Variants in RIMS2 observed in about 807,000 individuals in gnomAD.
The protein encoded by RIMS2 is regulating synaptic membrane exocytosis 2, also known as regulating synaptic membrane exocytosis protein 2.
RIMS2 carries 59 observed loss-of-function variants against 174.4 expected under a neutral mutation model. That is an observed-to-expected ratio of 0.34 (90% CI 0.27 to 0.42). RIMS2 has a LOEUF of 0.42. Among genes scored for constraint, RIMS2 ranks in the 10% least tolerant of loss-of-function variants. RIMS2 has a pLI of 1.00. For synonymous variants in RIMS2, 606 were observed against 572.5 expected (o/e 1.06, Z -0.84); for missense variants, 1,620 against 1,666.3 (o/e 0.97, Z 0.48).
intron 19 of RIMS2, among the ~76,000 whole-genome samples, chr8:104,066,626 G>T (rs980748895): frequency 1.3e-5 from 2 of 152,012 alleles, no homozygotes; most frequent in African/African-American, 4.8e-5. Context: ...AGACTAATAG[G>T]TATTTGTACT....
intron 3 of RIMS2, among the ~76,000 whole-genome samples, chr8:103,790,730 C>T (rs2154442888): frequency 6.6e-6 from 1 of 152,180 alleles, no homozygotes; most frequent in East Asian, 1.9e-4. Context: ...GGAGAAATAT[C>T]AAATCAAATC....
intron 16 of RIMS2, among the ~76,000 whole-genome samples, chr8:103,978,730 A>T (rs1289686602): frequency 6.6e-6 from 1 of 152,252 alleles, no homozygotes; most frequent in Non-Finnish European, 1.5e-5. Flanking sequence ...AGAAAGAAAG[A>T]AATAAACAAT....
chr8:103,816,109 C>T (rs1186270121), intron 3 of RIMS2, among the ~76,000 whole-genome samples: 3 of 152,146 alleles, frequency 2.0e-5, no homozygotes, highest in Non-Finnish European at 4.4e-5. Context: ...TATCTATAAA[C>T]ATTCTTTATA....
At chr8:104,153,945 T>A (rs2441866) in intron 19 of RIMS2, among the ~76,000 whole-genome samples, 117,895 of 152,190 alleles carry the variant, frequency 0.77, 46,564 homozygotes, top group East Asian at 1. Flanking sequence ...AAATTTGGTA[T>A]ACCTTGACAA....
chr8:103,626,737 C>G (rs1484205881), intron 1 of RIMS2, among the ~76,000 whole-genome samples: 1 of 152,080 alleles, frequency 6.6e-6, no homozygotes, highest in Non-Finnish European at 1.5e-5. Context: ...ACAGCTGGGC[C>G]TCCGGGGGTG....
intron 1 of RIMS2, among the ~76,000 whole-genome samples, chr8:103,668,513 A>G (rs2096703868): frequency 6.6e-6 from 1 of 152,062 alleles, no homozygotes; most frequent in African/African-American, 2.4e-5. Context: ...CCTGAAGTAT[A>G]TTTGTCACAA....
At chr8:103,665,910 T>C (rs2096662594) in intron 1 of RIMS2, among the ~76,000 whole-genome samples, 1 of 152,224 alleles carries the variant, frequency 6.6e-6, no homozygotes, top group Admixed American at 6.5e-5. Flanking sequence ...TCAACACCAT[T>C]CACAACTAAT....
intron 19 of RIMS2, among the ~76,000 whole-genome samples, chr8:104,116,110 T>C (rs1162768190): frequency 6.6e-6 from 1 of 152,172 alleles, no homozygotes; most frequent in African/African-American, 2.4e-5. Flanking sequence ...TTTAGTAATA[T>C]GAATAAAAGT....
At chr8:104,055,543 A>G (rs2096854689) in intron 19 of RIMS2, among the ~76,000 whole-genome samples, 2 of 152,162 alleles carry the variant, frequency 1.3e-5, no homozygotes, top group South Asian at 4.1e-4. Context: ...CTTAGAAGCA[A>G]TTTCAATAAC....
intron 2 of RIMS2, among the ~76,000 whole-genome samples, chr8:103,706,870 C>T (rs533749367): frequency 1.3e-5 from 2 of 152,224 alleles, no homozygotes; most frequent in South Asian, 2.1e-4. Context: ...TCTTTAAATA[C>T]ATTTTTTACC....
At chr8:104,242,416 CTT>C (rs2099305582) in intron 19 of RIMS2, among the ~76,000 whole-genome samples, 1 of 152,152 alleles carries the variant, frequency 6.6e-6, no homozygotes, top group South Asian at 2.1e-4. Context: ...TTTTCCTTAA[CTT>C]GTCCTAAAAT....
chr8:104,153,908 T>A (rs2098705446), intron 19 of RIMS2, among the ~76,000 whole-genome samples: 1 of 152,190 alleles, frequency 6.6e-6, no homozygotes, highest in Non-Finnish European at 1.5e-5. Flanking sequence ...AGACTGATAA[T>A]TTACCATTGA....
At chr8:103,980,162 A>G (rs772129726) in intron 16 of RIMS2, among the ~76,000 whole-genome samples, 1 of 152,142 alleles carries the variant, frequency 6.6e-6, no homozygotes, top group Non-Finnish European at 1.5e-5. Flanking sequence ...ACTCACAGCA[A>G]TTAAAGTGTC....
At chr8:103,869,970 G>A (rs2099102642) in intron 3 of RIMS2, among the ~76,000 whole-genome samples, 1 of 152,088 alleles carries the variant, frequency 6.6e-6, no homozygotes, top group Non-Finnish European at 1.5e-5. Context: ...TCTCTGTTCA[G>A]ACATGATGAT....
chr8:104,086,969 A>G (rs1207185871), intron 19 of RIMS2, among the ~76,000 whole-genome samples: 1 of 152,156 alleles, frequency 6.6e-6, no homozygotes, highest in Non-Finnish European at 1.5e-5. Flanking sequence ...ACTTGAAATC[A>G]GCCATAATGG....
At chr8:103,501,725 A>C (rs1820116273) in intron 1 of RIMS2, 1 of 152,362 alleles carries the variant, frequency 6.6e-6, no homozygotes, top group South Asian at 2.1e-4. Context: ...TCCTGTTTGC[A>C]ACTAGTAAAT....
At chr8:103,902,755 T>G (rs1356945374) in intron 4 of RIMS2, among the ~76,000 whole-genome samples, 1 of 152,168 alleles carries the variant, frequency 6.6e-6, no homozygotes, top group Non-Finnish European at 1.5e-5. Context: ...GTGTTTCAAT[T>G]AAGTTTGTGG....
chr8:104,071,292 T>C (rs571209849), intron 19 of RIMS2, among the ~76,000 whole-genome samples: 7 of 152,354 alleles, frequency 4.6e-5, no homozygotes, highest in Admixed American at 3.9e-4. Context: ...AAATTAATTG[T>C]ACTAAGCATT....
intron 3 of RIMS2, chr8:103,769,150 G>T: frequency 6.2e-6 from 1 of 162,060 alleles, no homozygotes. Flanking sequence ...TAGAGAGGCA[G>T]GGTTAGTAAG....
Sources: allele counts gnomAD v4.1 joint callset (sites outside exome capture counted in the v4.1 genomes callset), GRCh38; gene constraint gnomAD v4.1.1; transcripts MANE v1.5; gene names NCBI Gene and HGNC (gene_info 2026-07-23, HGNC 2026-07-21).